The following DAB1 variants were observed in gnomAD, a reference collection of about 807,000 sequenced individuals.
DAB1 encodes disabled homolog 1.
A neutral mutation model predicts 64.6 loss-of-function variants in DAB1; 15 were observed. The observed-to-expected ratio is 0.23, with a 90% confidence interval of 0.16 to 0.36. DAB1 has a LOEUF of 0.36. Ranked by LOEUF, DAB1 falls within the 10% of genes least tolerant of loss-of-function variation. The pLI is 1.00. For synonymous variants in DAB1, 235 were observed against 251.9 expected (o/e 0.93, Z 0.64); for missense variants, 596 against 706.7 (o/e 0.84, Z 1.78).
intron 6 of DAB1, among the ~76,000 whole-genome samples, chr1:57,786,767 T>C (rs980795508): frequency 2.0e-5 from 3 of 152,158 alleles, no homozygotes; most frequent in African/African-American, 4.8e-5. Flanking sequence ...CTATGCTGTG[T>C]TACTTTCTCA....
intron 9 of DAB1, among the ~76,000 whole-genome samples, chr1:57,059,800 G>A (rs554128280): frequency 6.6e-6 from 1 of 152,230 alleles, no homozygotes; most frequent in African/African-American, 2.4e-5. Flanking sequence ...AATTCTCATA[G>A]GTAGGAAGAG....
chr1:57,103,160 C>T (rs1455911717), intron 4 of DAB1, among the ~76,000 whole-genome samples: 2 of 151,998 alleles, frequency 1.3e-5, no homozygotes, highest in East Asian at 3.9e-4. Context: ...AGATGCAATG[C>T]TAAAAGGAAA....
chr1:57,314,563 T>C (rs1052685224), intron 1 of DAB1, among the ~76,000 whole-genome samples: 4 of 152,156 alleles, frequency 2.6e-5, no homozygotes, highest in African/African-American at 9.7e-5. Context: ...GAATGTTCAC[T>C]AAGCAATTTA....
chr1:57,072,624 T>A (rs369872286), intron 4 of DAB1, among the ~76,000 whole-genome samples: 1 of 152,194 alleles, frequency 6.6e-6, no homozygotes, highest in African/African-American at 2.4e-5. Context: ...GAGAGAAACA[T>A]AGGATTGTTC....
intron 1 of DAB1, among the ~76,000 whole-genome samples, chr1:57,832,337 A>G (rs1030771254): frequency 4.6e-5 from 7 of 152,238 alleles, no homozygotes; most frequent in Non-Finnish European, 1.0e-4. Flanking sequence ...AAAGAAAAAA[A>G]GTGACAATCA....
At chr1:57,659,463 C>A (rs1400242911) in intron 6 of DAB1, among the ~76,000 whole-genome samples, 1 of 152,134 alleles carries the variant, frequency 6.6e-6, no homozygotes, top group Non-Finnish European at 1.5e-5. Context: ...GTACCAGGAG[C>A]AGCTGGGGTT....
chr1:57,153,837 C>T (rs1042877972), intron 2 of DAB1, among the ~76,000 whole-genome samples: 2 of 151,980 alleles, frequency 1.3e-5, no homozygotes, highest in African/African-American at 4.8e-5. Context: ...GATGGGGTTT[C>T]ACCGTGTTAG....
chr1:57,296,184 A>G (rs971000502), intron 1 of DAB1, among the ~76,000 whole-genome samples: 3 of 152,206 alleles, frequency 2.0e-5, no homozygotes, highest in African/African-American at 7.2e-5. Context: ...CTATGGGACA[A>G]GAGATGTTAA....
At chr1:58,209,602 T>C (rs1658451607) in intron 4 of DAB1, among the ~76,000 whole-genome samples, 1 of 152,250 alleles carries the variant, frequency 6.6e-6, no homozygotes, top group African/African-American at 2.4e-5. Flanking sequence ...GTGTAGACCT[T>C]CCAGCACAAA....
At chr1:57,780,080 G>T (rs1421015590) in intron 6 of DAB1, among the ~76,000 whole-genome samples, 1 of 152,070 alleles carries the variant, frequency 6.6e-6, no homozygotes, top group Non-Finnish European at 1.5e-5. Context: ...GGTCATAATG[G>T]GATTTCATGG....
At chr1:58,044,061 AT>A (rs1647188060) in intron 5 of DAB1, among the ~76,000 whole-genome samples, 1 of 152,170 alleles carries the variant, frequency 6.6e-6, no homozygotes. Context: ...AGATGTGTCA[AT>A]TACCTGTATA....
chr1:57,827,998 T>G (rs890420695), intron 1 of DAB1, among the ~76,000 whole-genome samples: 6 of 152,208 alleles, frequency 3.9e-5, no homozygotes, highest in Admixed American at 3.3e-4. Flanking sequence ...CAGGCTGGAG[T>G]GCAGTGGTGC....
intron 6 of DAB1, among the ~76,000 whole-genome samples, chr1:57,729,658 G>A (rs991620476): frequency 1.3e-5 from 2 of 152,210 alleles, no homozygotes; most frequent in African/African-American, 4.8e-5. Context: ...GGCAGGCAGG[G>A]GACAAGTAGC....
intron 1 of DAB1, among the ~76,000 whole-genome samples, chr1:57,344,960 T>C (rs1422717469): frequency 1.3e-5 from 2 of 152,188 alleles, no homozygotes. Flanking sequence ...GCTGTTGTTA[T>C]TATGCCTGTC....
At chr1:58,481,197 A>C (rs1165080046) in intron 3 of DAB1, 4 of 744,956 alleles carry the variant, frequency 5.4e-6, no homozygotes, top group African/African-American at 1.8e-5. Context: ...AATAAAATAA[A>C]AAAATACTAT....
intron 5 of DAB1, among the ~76,000 whole-genome samples, chr1:58,035,815 G>T (rs541230253): frequency 6.6e-6 from 1 of 152,268 alleles, no homozygotes; most frequent in East Asian, 1.9e-4. Context: ...GAGACTTGAG[G>T]TCTATTCTCC....
intron 7 of DAB1, among the ~76,000 whole-genome samples, chr1:57,632,198 C>G (rs1038092620): frequency 6.6e-6 from 1 of 152,304 alleles, no homozygotes; most frequent in East Asian, 1.9e-4. Flanking sequence ...ATTACTACAA[C>G]GTAGTGCTGC....
At chr1:58,128,456 T>TCTC (rs533079562) in intron 5 of DAB1, among the ~76,000 whole-genome samples, 93 of 128,424 alleles carry the variant, frequency 7.2e-4, no homozygotes, top group African/African-American at 1.3e-3. Flanking sequence ...TTTATTTCCT[T>TCTC]CTGCCTAATT....
intron 1 of DAB1, among the ~76,000 whole-genome samples, chr1:57,840,216 T>C (rs1167183834): frequency 6.6e-6 from 1 of 152,052 alleles, no homozygotes; most frequent in South Asian, 2.1e-4. Context: ...CAGTGTCTGG[T>C]GGGAGAGGTA....
Sources: gnomAD v4.1 joint callset for allele counts (sites outside exome capture counted in the v4.1 genomes callset) on GRCh38, gnomAD v4.1.1 for gene constraint, MANE v1.5 for transcripts, NCBI Gene and HGNC (gene_info 2026-07-23, HGNC 2026-07-21) for gene names.